MAPRE3: variants seen among roughly 807,000 people sequenced by gnomAD.
The protein encoded by MAPRE3 is microtubule-associated protein RP/EB family member 3.
A neutral mutation model predicts 30.5 loss-of-function variants in MAPRE3; 2 were observed. The observed-to-expected ratio is 0.07, with a 90% CI of 0.03 to 0.21. The LOEUF (loss-of-function observed/expected upper bound fraction) is 0.21, where lower values mean the gene tolerates loss of function less well. Ranked by LOEUF, MAPRE3 falls within the 10% of genes least tolerant of loss-of-function variation. The probability of loss-of-function intolerance (pLI) is 1.00; values close to 1 mark genes in which losing one functional copy is unlikely to be tolerated. For missense variants in MAPRE3, 204 were observed against 351.8 expected (o/e 0.58, Z 3.36); for synonymous variants, 110 against 127.7 (o/e 0.86, Z 0.93).
intron 1 of MAPRE3, among the ~76,000 whole-genome samples, chr2:27,021,505 A>G (rs1390275956): frequency 6.6e-6 from 1 of 152,226 alleles, no homozygotes; most frequent in Non-Finnish European, 1.5e-5. Flanking sequence ...AGGAATGTGG[A>G]GTCTGAAGTC....
At chr2:26,979,818 A>C (rs767444416) in intron 1 of MAPRE3, among the ~76,000 whole-genome samples, 4 of 152,168 alleles carry the variant, frequency 2.6e-5, no homozygotes, top group African/African-American at 9.7e-5. Context: ...CATTAACCAG[A>C]AATTAGGAAG....
At position 27,025,046 on chromosome 2, in the gene MAPRE3, C is replaced by T. The variant is rs372601818; in HGVS notation, c.470-537C>T. On this transcript the variant is annotated intron_variant, in intron 4 of 6. Coordinates refer to ENST00000233121, the MANE Select transcript of MAPRE3 (RefSeq NM_012326.4). ...GCAAGTCGCCACGGCATGCTGGCTG[C>T]GCTGGGGAGGAGCTGGGGTCCCTGA... 6.3e-4 allele frequency among the ~76,000 whole-genome samples: 96 copies of T among 152,276 alleles called. 1 individual carries two copies. Among genetic ancestry groups the T allele is most frequent in the African/African-American group, 2.1e-3 (88 of 41,560 alleles).
chr2:27,021,366 C>T (rs547477986), intron 1 of MAPRE3, among the ~76,000 whole-genome samples: 1 of 152,184 alleles, frequency 6.6e-6, no homozygotes, highest in East Asian at 1.9e-4. Flanking sequence ...GGGATGACCC[C>T]GCAGGTTTCT....
At chr2:27,020,639 T>TA (rs1667090998) in intron 1 of MAPRE3, among the ~76,000 whole-genome samples, 2 of 152,228 alleles carry the variant, frequency 1.3e-5, no homozygotes, top group African/African-American at 4.8e-5. Flanking sequence ...CCCAAGTTGT[T>TA]AAACATCTGA....
chr2:26,989,721 A>G (rs1297821550), intron 1 of MAPRE3, among the ~76,000 whole-genome samples: 1 of 151,844 alleles, frequency 6.6e-6, no homozygotes, highest in African/African-American at 2.4e-5. Flanking sequence ...CTGCCAGGAG[A>G]CTCTCCGGAC....
intron 1 of MAPRE3, among the ~76,000 whole-genome samples, chr2:26,976,739 A>G (rs1363406216): frequency 1.3e-5 from 2 of 152,248 alleles, no homozygotes; most frequent in Admixed American, 1.3e-4. Context: ...TTTCCTAGAT[A>G]TAGGAGATAC....
At position 27,025,883 on chromosome 2, in the gene MAPRE3, G is replaced by A. The variant is rs776475662; in HGVS notation, c.628G>A (p.Val210Met). ...AQILELNQQL[V>M]DLKLTVDGLE... ...ACATCACTTTGTCCCCAAGCAGCTG[G>A]TGGACTTGAAGCTGACAGTGGATGG... Residue 210 changes from valine (V) to methionine (M), a missense_variant, in exon 6 of 7, where the codon GTG becomes ATG. This residue lies in a region of MAPRE3 where 42 missense variants were observed against 81.2 expected (regional missense o/e 0.52). Transcript: ENST00000233121. 4.3e-6 allele frequency: 7 copies of A among 1,614,200 alleles called. No homozygotes were observed. The South Asian group carries it at 6.6e-5, about 15-fold the overall frequency.
chr2:26,979,940 G>A (rs867463763), intron 1 of MAPRE3, among the ~76,000 whole-genome samples: 5 of 152,304 alleles, frequency 3.3e-5, no homozygotes, highest in Middle Eastern at 3.4e-3. Context: ...ACCGGAAGCT[G>A]AGGGTCAGGT....
At chr2:27,007,709 T>C (rs1666762447) in intron 1 of MAPRE3, among the ~76,000 whole-genome samples, 2 of 152,196 alleles carry the variant, frequency 1.3e-5, no homozygotes, top group African/African-American at 4.8e-5. Context: ...CTTTGGGGCA[T>C]CACAGTCCAA....
At chr2:27,007,415 G>T (rs1314953989) in intron 1 of MAPRE3, among the ~76,000 whole-genome samples, 2 of 152,234 alleles carry the variant, frequency 1.3e-5, no homozygotes, top group Non-Finnish European at 2.9e-5. Flanking sequence ...AATTGGGAAA[G>T]TTTTGAATGG....
Position 27,004,069 on chromosome 2 carries a change from CCACGAGCCATACACA to C in MAPRE3, c.-7-18142_-7-18128del, listed in dbSNP as rs1420375446. On this transcript the variant is annotated intron_variant, in intron 1 of 6. Transcript: ENST00000233121. The stretch of plus-strand genomic sequence containing the variant: ...AGTCATCTGTCAAGAGGCTCTGTGC[CCACGAGCCATACACA>C]TAATGATGTCCAAAAAGCGCTTCTA... Among the ~76,000 whole-genome samples, 6 of 152,286 alleles carry C rather than the reference CCACGAGCCATACACA, an allele frequency of 3.9e-5. 1 individual carries two copies. Among genetic ancestry groups the C allele is most frequent in the African/African-American group, 1.4e-4 (6 of 41,544 alleles).
At chr2:27,007,531 GC>G (rs1489961682) in intron 1 of MAPRE3, among the ~76,000 whole-genome samples, 5 of 152,152 alleles carry the variant, frequency 3.3e-5, no homozygotes, top group Admixed American at 1.3e-4. Flanking sequence ...AAAACCTTAT[GC>G]CCTTTCTGAA....
rs370905544 is a variant in MAPRE3, at chr2:26,978,841, G to T, written c.-8+8039G>T. Among the ~76,000 whole-genome samples the T allele has an allele frequency of 2.6e-5, 4 of 152,352 alleles. No individual in the cohort carries two copies. In the East Asian group the frequency reaches 7.7e-4, roughly 29 times the overall value. On this transcript the variant is annotated intron_variant, in intron 1 of 6. Coordinates refer to ENST00000233121, the MANE Select transcript of MAPRE3 (RefSeq NM_012326.4). ...AGACTCAACCCTTGTCCATGAGGAG[G>T]CTGTAATGTGTGTGGAAGACAAGAT...
intron 1 of MAPRE3, among the ~76,000 whole-genome samples, chr2:27,005,043 A>G (rs1666695258): frequency 6.6e-6 from 1 of 152,230 alleles, no homozygotes; most frequent in Non-Finnish European, 1.5e-5. Context: ...TAAAATAATA[A>G]CAATGTTGGT....
At chr2:26,984,421 G>A (rs895457523) in intron 1 of MAPRE3, among the ~76,000 whole-genome samples, 6 of 152,034 alleles carry the variant, frequency 3.9e-5, no homozygotes, top group African/African-American at 1.5e-4. Flanking sequence ...TTTAAACATG[G>A]AATCTAACTA....
chr2:27,011,568 G>A (rs746285055), intron 1 of MAPRE3, among the ~76,000 whole-genome samples: 4 of 152,264 alleles, frequency 2.6e-5, no homozygotes, highest in South Asian at 4.2e-4. Flanking sequence ...ATGCTAGGCC[G>A]GACCTGGTGG....
At chr2:27,024,442 C>T (rs1667189741) in intron 4 of MAPRE3, 145 bp downstream of exon 4, 1 of 724,528 alleles carries the variant, frequency 1.4e-6, no homozygotes, top group Non-Finnish European at 2.2e-6. Context: ...CGCCTGCTGG[C>T]CAGTTAGACC....
chr2:27,004,613 T>C (rs896871342), intron 1 of MAPRE3, among the ~76,000 whole-genome samples: 4 of 152,050 alleles, frequency 2.6e-5, no homozygotes, highest in Non-Finnish European at 5.9e-5. Flanking sequence ...GCCCAGCTAA[T>C]TTCTATTTTT....
At chr2:26,984,683 T>C (rs1199858587) in intron 1 of MAPRE3, 1 of 152,252 alleles carries the variant, frequency 6.6e-6, no homozygotes. Context: ...CCTAAGCCCC[T>C]CCATACAGAA....
Sources: gnomAD v4.1 joint callset for allele counts (sites outside exome capture counted in the v4.1 genomes callset) on GRCh38, gnomAD v4.1.1 for gene constraint, gnomAD v4.1.1 regional missense constraint, MANE v1.5 for transcripts, NCBI Gene and HGNC (gene_info 2026-07-23, HGNC 2026-07-21) for gene names.